CDKAL1: variants seen among roughly 807,000 people sequenced by gnomAD.
CDKAL1 encodes threonylcarbamoyladenosine tRNA methylthiotransferase.
In CDKAL1, 32 loss-of-function variants were observed where a neutral mutation model predicts 68.2. The observed-to-expected ratio is 0.47, with a 90% CI of 0.35 to 0.63. The LOEUF is 0.63. Among genes scored for constraint, CDKAL1 ranks in the 30% least tolerant of loss-of-function variants. The pLI, the probability that CDKAL1 is intolerant of heterozygous loss-of-function variation, is 0.00. For missense variants in CDKAL1, 606 were observed against 696.7 expected (o/e 0.87, Z 1.47); for synonymous variants, 234 against 244.3 (o/e 0.96, Z 0.39).
intron 11 of CDKAL1, among the ~76,000 whole-genome samples, chr6:21,016,387 C>A (rs1189845594): frequency 1.3e-5 from 2 of 152,106 alleles, no homozygotes; most frequent in African/African-American, 4.8e-5. Flanking sequence ...TACCTCCCCA[C>A]ACCACTTGCT....
At chr6:21,098,989 T>C (rs1422545945) in intron 12 of CDKAL1, among the ~76,000 whole-genome samples, 23 of 152,106 alleles carry the variant, frequency 1.5e-4, no homozygotes, top group Admixed American at 1.5e-3. Context: ...GACCATGCAT[T>C]ATGAAGCTTA....
intron 4 of CDKAL1, among the ~76,000 whole-genome samples, chr6:20,599,832 A>G (rs901170462): frequency 1.3e-5 from 2 of 152,188 alleles, no homozygotes; most frequent in Non-Finnish European, 1.5e-5. Flanking sequence ...CTTGGGTAGC[A>G]TGTGTGACTG....
chr6:20,898,463 C>A (rs564329508), intron 9 of CDKAL1, among the ~76,000 whole-genome samples: 1 of 149,542 alleles, frequency 6.7e-6, no homozygotes, highest in South Asian at 2.1e-4. Flanking sequence ...ACTGCCATTG[C>A]GACAGTGGCC....
chr6:21,116,242 A>C (rs1774404020), intron 13 of CDKAL1, among the ~76,000 whole-genome samples: 2 of 152,178 alleles, frequency 1.3e-5, no homozygotes, highest in Non-Finnish European at 2.9e-5. Flanking sequence ...CAAATGGCAG[A>C]AATTCGGTGC....
intron 5 of CDKAL1, among the ~76,000 whole-genome samples, chr6:20,720,788 C>T (rs560413977): frequency 5.3e-5 from 8 of 152,308 alleles, no homozygotes; most frequent in African/African-American, 1.2e-4. Flanking sequence ...CGTGAGCCCT[C>T]GCACTGGCCT....
chr6:20,869,083 G>T (rs1469454060), intron 9 of CDKAL1, among the ~76,000 whole-genome samples: 1 of 152,122 alleles, frequency 6.6e-6, no homozygotes, highest in Non-Finnish European at 1.5e-5. Context: ...CTAAGTCTGG[G>T]CTACATTGAC....
chr6:21,045,647 C>T (rs765054385), intron 11 of CDKAL1, among the ~76,000 whole-genome samples: 1 of 152,182 alleles, frequency 6.6e-6, no homozygotes, highest in Non-Finnish European at 1.5e-5. Context: ...ACAGTAAATG[C>T]ATAAGTAAAG....
At chr6:20,773,323 T>C (rs1285154808) in intron 7 of CDKAL1, among the ~76,000 whole-genome samples, 3 of 152,328 alleles carry the variant, frequency 2.0e-5, no homozygotes, top group East Asian at 1.9e-4. Context: ...AGGAATGATA[T>C]TGAATGGAGT....
At chr6:20,683,472 T>A (rs966534280) in intron 5 of CDKAL1, among the ~76,000 whole-genome samples, 1 of 152,248 alleles carries the variant, frequency 6.6e-6, no homozygotes, top group Admixed American at 6.5e-5. Context: ...GAAAATTACT[T>A]ATTGATAGTG....
At chr6:21,218,869 C>T (rs1352842583) in intron 15 of CDKAL1, among the ~76,000 whole-genome samples, 1 of 152,192 alleles carries the variant, frequency 6.6e-6, no homozygotes, top group Non-Finnish European at 1.5e-5. Context: ...GTGTGAATAC[C>T]AGGAGGCGAG....
chr6:21,129,125 C>T (rs1171715326), intron 13 of CDKAL1, among the ~76,000 whole-genome samples: 1 of 152,166 alleles, frequency 6.6e-6, no homozygotes, highest in South Asian at 2.1e-4. Context: ...TGGCACAGTG[C>T]TCTGAATGTA....
chr6:21,005,259 A>C (rs1427018399), intron 11 of CDKAL1, among the ~76,000 whole-genome samples: 5 of 152,202 alleles, frequency 3.3e-5, no homozygotes, highest in Admixed American at 3.3e-4. Flanking sequence ...CAGTGAATGT[A>C]TAGTCACTCC....
chr6:20,666,748 T>C (rs1769567134), intron 5 of CDKAL1, among the ~76,000 whole-genome samples: 1 of 151,888 alleles, frequency 6.6e-6, no homozygotes, highest in African/African-American at 2.4e-5. Context: ...TATTGAACTG[T>C]TTCAAAATAC....
intron 15 of CDKAL1, among the ~76,000 whole-genome samples, chr6:21,210,599 T>G (rs1779114938): frequency 6.6e-6 from 1 of 152,188 alleles, no homozygotes; most frequent in Non-Finnish European, 1.5e-5. Flanking sequence ...TTTGTTACAG[T>G]CACCGAAACG....
intron 11 of CDKAL1, among the ~76,000 whole-genome samples, chr6:21,024,116 A>C (rs1363053891): frequency 6.6e-6 from 1 of 151,978 alleles, no homozygotes; most frequent in African/African-American, 2.4e-5. Context: ...ATTTTCTTGC[A>C]TCTCACATTA....
At chr6:20,795,311 ATC>A (rs1776064951) in intron 8 of CDKAL1, among the ~76,000 whole-genome samples, 1 of 152,058 alleles carries the variant, frequency 6.6e-6, no homozygotes, top group African/African-American at 2.4e-5. Flanking sequence ...TGAGTCTTGA[ATC>A]TCTATTCCAG....
At chr6:20,594,381 C>G (rs959437712) in intron 4 of CDKAL1, among the ~76,000 whole-genome samples, 1 of 152,104 alleles carries the variant, frequency 6.6e-6, no homozygotes, top group African/African-American at 2.4e-5. Flanking sequence ...GTGTATACAT[C>G]TAGGTTAGTT....
At chr6:20,725,676 C>T (rs899004079) in intron 5 of CDKAL1, among the ~76,000 whole-genome samples, 8 of 149,324 alleles carry the variant, frequency 5.4e-5, no homozygotes, top group Non-Finnish European at 8.9e-5. Context: ...CCCAGCTATG[C>T]GGGAGGCTGA....
At chr6:20,581,621 CA>C (rs1224531249) in intron 4 of CDKAL1, among the ~76,000 whole-genome samples, 1 of 152,094 alleles carries the variant, frequency 6.6e-6, no homozygotes, top group African/African-American at 2.4e-5. Context: ...GTGTGACAGG[CA>C]AAAGGGTCAG....
Sources: gnomAD v4.1 joint callset for allele counts (sites outside exome capture counted in the v4.1 genomes callset) on GRCh38, gnomAD v4.1.1 for gene constraint, MANE v1.5 for transcripts, NCBI Gene and HGNC (gene_info 2026-07-23, HGNC 2026-07-21) for gene names.